Variants in GALNT13 observed in about 807,000 individuals in gnomAD.
GALNT13 encodes UDP-GalNAc:polypeptide N-acetylgalactosaminyltransferase 13.
A neutral mutation model predicts 64.2 loss-of-function variants in GALNT13; 28 were observed. The ratio of observed to expected loss-of-function variants is 0.44; its 90% confidence interval spans 0.32 to 0.60. The LOEUF (loss-of-function observed/expected upper bound fraction) is 0.60, where lower values mean the gene tolerates loss of function less well. Among genes scored for constraint, GALNT13 ranks in the 20% least tolerant of loss-of-function variants. The pLI is 0.05. For missense variants in GALNT13, 577 were observed against 669.8 expected, an observed-to-expected ratio of 0.86 and a Z score of 1.53; for synonymous variants, 214 against 224.6, an observed-to-expected ratio of 0.95 and a Z score of 0.42.
intron 3 of GALNT13, among the ~76,000 whole-genome samples, chr2:154,012,041 T>C (rs546286495): frequency 1.3e-5 from 2 of 152,300 alleles, no homozygotes; most frequent in East Asian, 3.9e-4. Flanking sequence ...TTATGCCTTT[T>C]AATTGGGGCA....
chr2:153,933,126 C>G (rs1236656153), intron 2 of GALNT13, among the ~76,000 whole-genome samples: 1 of 151,946 alleles, frequency 6.6e-6, no homozygotes, highest in Non-Finnish European at 1.5e-5. Context: ...CTGTATATGT[C>G]TGTTAGGTAC....
intron 3 of GALNT13, among the ~76,000 whole-genome samples, chr2:154,062,663 A>G (rs1008734068): frequency 3.9e-5 from 6 of 152,178 alleles, no homozygotes; most frequent in Admixed American, 3.9e-4. Flanking sequence ...AGCAAGGGGA[A>G]AATCTGCTCC....
rs184833370 is a variant in GALNT13, at chr2:154,172,289, G to T, written c.311+31784G>T. Reference sequence around the variant, plus strand: ...CCTTTTATGTTTGTCTTTTCTTTGTGCTATAAACATTCAAATAGTTCTCTA... The same window carrying T: ...CCTTTTATGTTTGTCTTTTCTTTGTTCTATAAACATTCAAATAGTTCTCTA... On this transcript the variant is annotated intron_variant, in intron 4 of 12. Coordinates refer to ENST00000392825, the MANE Select transcript of GALNT13 (RefSeq NM_052917.4). 2.6e-3 allele frequency among the ~76,000 whole-genome samples: 395 copies of T among 151,734 alleles called. 1 individual carries two copies. The highest frequency in any genetic ancestry group is 4.9e-3 in the Non-Finnish European group (331 of 67,816).
At chr2:153,103,586 A>G in the GALNT13 span, among the ~76,000 whole-genome samples, 2 of 152,240 alleles carry the variant, frequency 1.3e-5, no homozygotes, top group African/African-American at 2.4e-5. Context: ...CCTGGGATGT[A>G]CAGAGTGAAT....
At chr2:154,043,008 A>C (rs1472556375) in intron 3 of GALNT13, among the ~76,000 whole-genome samples, 1 of 152,044 alleles carries the variant, frequency 6.6e-6, no homozygotes, top group East Asian at 1.9e-4. Flanking sequence ...ATGGGAGATT[A>C]GAAGCCTTTT....
the GALNT13 span, among the ~76,000 whole-genome samples, chr2:153,130,400 T>C: frequency 1.3e-5 from 2 of 152,132 alleles, no homozygotes; most frequent in Non-Finnish European, 2.9e-5. Context: ...TAAAGAAGTA[T>C]TGATGTAGGG....
chr2:153,329,623 C>T, the GALNT13 span, among the ~76,000 whole-genome samples: 469 of 152,136 alleles, frequency 3.1e-3, 19 homozygotes, highest in East Asian at 0.082. Context: ...TAATTATGGG[C>T]ATTTGGTTTT....
At chr2:153,418,206 T>A in the GALNT13 span, among the ~76,000 whole-genome samples, 1 of 152,122 alleles carries the variant, frequency 6.6e-6, no homozygotes, top group Non-Finnish European at 1.5e-5. Context: ...TGAGGTAATA[T>A]GATTGCTAGA....
At chr2:153,216,723 G>T in the GALNT13 span, among the ~76,000 whole-genome samples, 4,810 of 151,842 alleles carry the variant, frequency 0.032, 106 homozygotes, top group Non-Finnish European at 0.047. Flanking sequence ...TTTTTGATTT[G>T]TAAATATTTT....
the GALNT13 span, among the ~76,000 whole-genome samples, chr2:153,339,661 G>C: frequency 1.3e-5 from 2 of 152,126 alleles, no homozygotes; most frequent in Admixed American, 6.6e-5. Context: ...CTATGCTTTT[G>C]AGGTAATATC....
rs568985846 is a variant in GALNT13 at position 154,354,117 on chromosome 2, G to A, written c.1157-41874G>A. On this transcript the variant is annotated intron_variant, in intron 9 of 12. Transcript: ENST00000392825. ...AGAGCCATATTAATGGGTGTGAGGT[G>A]ATATTTTTATAGTGGTTTTCATTTG... Among the ~76,000 whole-genome samples the A allele has an allele frequency of 3.2e-4, 48 of 152,230 alleles. No homozygotes were observed. In the Middle Eastern group the frequency reaches 0.01, roughly 32 times the overall value.
the GALNT13 span, among the ~76,000 whole-genome samples, chr2:153,855,085 T>C: frequency 6.6e-6 from 1 of 152,164 alleles, no homozygotes. Context: ...TGTGACAAAG[T>C]TGGAAATGTG....
chr2:153,977,429 G>C (rs932894096), intron 3 of GALNT13, among the ~76,000 whole-genome samples: 1 of 152,118 alleles, frequency 6.6e-6, no homozygotes, highest in Non-Finnish European at 1.5e-5. Context: ...TTCTTCACAT[G>C]GCAGCAGGAA....
intron 3 of GALNT13, among the ~76,000 whole-genome samples, chr2:154,044,195 C>T (rs987296847): frequency 1.3e-5 from 2 of 151,970 alleles, no homozygotes; most frequent in Non-Finnish European, 2.9e-5. Context: ...TTAATAAACA[C>T]GTGAAGTGAA....
chr2:153,777,382 G>A, the GALNT13 span, among the ~76,000 whole-genome samples: 1 of 152,176 alleles, frequency 6.6e-6, no homozygotes. Context: ...CAAAGAGGAT[G>A]CTATGGTCTG....
chr2:153,791,277 C>T, the GALNT13 span, among the ~76,000 whole-genome samples: 1 of 152,136 alleles, frequency 6.6e-6, no homozygotes, highest in Admixed American at 6.6e-5. Context: ...AACAAAAGCT[C>T]AACATCCCTG....
At chr2:153,222,971 G>A in the GALNT13 span, among the ~76,000 whole-genome samples, 1 of 152,194 alleles carries the variant, frequency 6.6e-6, no homozygotes, top group African/African-American at 2.4e-5. Flanking sequence ...CCCCTGACTC[G>A]GTGAGGGGGG....
intron 3 of GALNT13, among the ~76,000 whole-genome samples, chr2:154,109,337 C>G (rs1408747797): frequency 4.6e-5 from 7 of 151,892 alleles, no homozygotes; most frequent in Admixed American, 3.9e-4. Context: ...GAATTTGTAT[C>G]CTGTAGCTTT....
At chr2:153,539,347 G>A in the GALNT13 span, among the ~76,000 whole-genome samples, 3 of 151,916 alleles carry the variant, frequency 2.0e-5, no homozygotes, top group Non-Finnish European at 4.4e-5. Context: ...TAGGTTGCCT[G>A]TTCACTCTGA....
Sources: gnomAD v4.1 joint callset for allele counts (sites outside exome capture counted in the v4.1 genomes callset) on GRCh38, gnomAD v4.1.1 for gene constraint, MANE v1.5 for transcripts, NCBI Gene and HGNC (gene_info 2026-07-23, HGNC 2026-07-21) for gene names.